Variants in TMEM117 observed in about 807,000 individuals in gnomAD.
The protein encoded by TMEM117 is transmembrane protein 117.
TMEM117 carries 27 observed loss-of-function variants against 52.4 expected under a neutral mutation model. That is an observed-to-expected ratio of 0.51 (90% confidence interval 0.38 to 0.71). The LOEUF is 0.71. TMEM117 is among the 30% of genes least tolerant of loss of function. The pLI is 0.00. For missense variants in TMEM117, 556 were observed against 630.5 expected, an observed-to-expected ratio of 0.88 and a Z score of 1.26; for synonymous variants, 215 against 206.3, an observed-to-expected ratio of 1.04 and a Z score of -0.36.
chr12:44,044,878 C>G (rs552090684), intron 3 of TMEM117, among the ~76,000 whole-genome samples: 1 of 152,344 alleles, frequency 6.6e-6, no homozygotes, highest in Admixed American at 6.5e-5. Context: ...TATACTGATT[C>G]ATGGGCTGTA....
chr12:44,311,901 A>ATATATGTGTG (rs1950994626), intron 6 of TMEM117, among the ~76,000 whole-genome samples: 2 of 132,052 alleles, frequency 1.5e-5, no homozygotes, highest in Non-Finnish European at 3.1e-5. Flanking sequence ...ATATGTGTAT[A>ATATATGTGTG]TATATATGTG....
the TMEM117 span, chr12:43,806,522 C>T: frequency 3.8e-6 from 2 of 520,442 alleles, no homozygotes; most frequent in Non-Finnish European, 5.3e-6. Context: ...CCGCTTCTTC[C>T]GGGGGGGACA....
chr12:44,379,793 TCC>T (rs1951994655), intron 7 of TMEM117, among the ~76,000 whole-genome samples: 1 of 152,238 alleles, frequency 6.6e-6, no homozygotes, highest in Non-Finnish European at 1.5e-5. Context: ...GATCAGCTCC[TCC>T]GAGCCCTGGT....
At chr12:44,173,357 G>T (rs565387866) in intron 4 of TMEM117, among the ~76,000 whole-genome samples, 1 of 152,046 alleles carries the variant, frequency 6.6e-6, no homozygotes, top group Admixed American at 6.5e-5. Context: ...AATTATAGAC[G>T]TGAGCCACCA....
intron 5 of TMEM117, among the ~76,000 whole-genome samples, chr12:44,254,173 G>T (rs1270982883): frequency 6.6e-6 from 1 of 151,844 alleles, no homozygotes; most frequent in Non-Finnish European, 1.5e-5. Context: ...ATCACCACAA[G>T]TAAAAAGATT....
At chr12:44,319,435 C>T (rs80302020) in intron 6 of TMEM117, among the ~76,000 whole-genome samples, 7,304 of 152,228 alleles carry the variant, frequency 0.048, 359 homozygotes, top group African/African-American at 0.12. Flanking sequence ...ACCCCCTGTT[C>T]TGGGTCTTCA....
chr12:44,158,602 A>G (rs897251231), intron 4 of TMEM117, among the ~76,000 whole-genome samples: 1 of 152,200 alleles, frequency 6.6e-6, no homozygotes, highest in African/African-American at 2.4e-5. Flanking sequence ...TCTGAGTTCT[A>G]TTATTCAAAT....
chr12:44,050,613 G>A (rs567345110), intron 3 of TMEM117, among the ~76,000 whole-genome samples: 1 of 152,138 alleles, frequency 6.6e-6, no homozygotes, highest in Non-Finnish European at 1.5e-5. Flanking sequence ...TCTCTGCCTT[G>A]CCTTTAAAAA....
upstream of TMEM117, among the ~76,000 whole-genome samples, chr12:43,834,289 T>C (rs1942999960): frequency 6.6e-6 from 1 of 152,174 alleles, no homozygotes; most frequent in Non-Finnish European, 1.5e-5. Context: ...TAGAGAATAA[T>C]ATTAATTACA....
intron 5 of TMEM117, among the ~76,000 whole-genome samples, chr12:44,261,357 C>T (rs1391272214): frequency 6.6e-6 from 1 of 152,158 alleles, no homozygotes; most frequent in Non-Finnish European, 1.5e-5. Flanking sequence ...CTAATGTTCT[C>T]ACGTGCTATC....
intron 4 of TMEM117, among the ~76,000 whole-genome samples, chr12:44,159,321 G>A (rs1948868568): frequency 1.3e-5 from 2 of 151,990 alleles, no homozygotes; most frequent in South Asian, 4.1e-4. Context: ...CCAGCTTGTT[G>A]GACTCTAGCT....
At chr12:44,358,166 G>A (rs1354327576) in intron 6 of TMEM117, among the ~76,000 whole-genome samples, 1 of 152,062 alleles carries the variant, frequency 6.6e-6, no homozygotes, top group East Asian at 1.9e-4. Flanking sequence ...TGGATTCCTA[G>A]AGGCAGGGAG....
intron 6 of TMEM117, among the ~76,000 whole-genome samples, chr12:44,304,334 C>T (rs539385617): frequency 3.7e-4 from 57 of 152,302 alleles, no homozygotes; most frequent in Non-Finnish European, 6.8e-4. Context: ...TTTCTGGTAG[C>T]CTCCCAACTG....
chr12:44,183,581 T>G (rs1372565932), intron 4 of TMEM117, among the ~76,000 whole-genome samples: 1 of 152,140 alleles, frequency 6.6e-6, no homozygotes, highest in Non-Finnish European at 1.5e-5. Flanking sequence ...CTGGGAAAAC[T>G]TATTTTAGAG....
the TMEM117 span, chr12:43,797,733 T>C: frequency 6.2e-7 from 1 of 1,612,722 alleles, no homozygotes; most frequent in Non-Finnish European, 8.5e-7. Context: ...GAGCTGTCTA[T>C]TATTCAATTT....
intron 3 of TMEM117, among the ~76,000 whole-genome samples, chr12:43,961,505 C>T (rs1945403080): frequency 6.6e-6 from 1 of 152,018 alleles, no homozygotes; most frequent in African/African-American, 2.4e-5. Context: ...ATATATGGCA[C>T]CTGGCTTGAA....
chr12:43,918,523 T>A (rs75672870), intron 2 of TMEM117, among the ~76,000 whole-genome samples: 2 of 152,356 alleles, frequency 1.3e-5, no homozygotes, highest in East Asian at 3.9e-4. Context: ...TAGCTTTGTC[T>A]AGCTGCTTAG....
chr12:43,865,762 C>T (rs891953685), intron 2 of TMEM117, among the ~76,000 whole-genome samples: 4 of 149,710 alleles, frequency 2.7e-5, no homozygotes, highest in Non-Finnish European at 5.9e-5. Context: ...TCAAATCAAG[C>T]CTTCACAAGT....
chr12:44,353,759 A>G (rs1213347196), intron 6 of TMEM117, among the ~76,000 whole-genome samples: 3 of 152,212 alleles, frequency 2.0e-5, no homozygotes, highest in Non-Finnish European at 2.9e-5. Flanking sequence ...CTTTTGGCTT[A>G]GGATTGACTT....
Sources: allele counts gnomAD v4.1 joint callset (sites outside exome capture counted in the v4.1 genomes callset), GRCh38; gene constraint gnomAD v4.1.1; transcripts MANE v1.5; gene names NCBI Gene and HGNC (gene_info 2026-07-23, HGNC 2026-07-21).